Variants in CDC34 observed in about 807,000 individuals in gnomAD.
The protein encoded by CDC34 is cell division cycle 34, ubiquitin conjugating enzyme.
Under a neutral mutation model 26.8 loss-of-function variants are expected in CDC34, and 18 were observed. That is an observed-to-expected ratio of 0.67 (90% confidence interval 0.47 to 1.00). The LOEUF (loss-of-function observed/expected upper bound fraction) is 1.00. CDC34 is among the 50% of genes least tolerant of loss of function. The probability of loss-of-function intolerance (pLI) is 0.00; values close to 1 mark genes in which losing one functional copy is unlikely to be tolerated. For synonymous variants in CDC34, 178 were observed against 147.5 expected, an observed-to-expected ratio of 1.21 and a Z score of -1.50; for missense variants, 280 against 334.5, an observed-to-expected ratio of 0.84 and a Z score of 1.27.
chr19:536,251 C>A lies in CDC34; in HGVS notation c.273C>A (p.Asp91Glu). 1 of 1,604,942 alleles carries A rather than the reference C, an allele frequency of 6.2e-7. No individual in the cohort carries two copies. The highest frequency in any genetic ancestry group is 8.5e-7 in the Non-Finnish European group (1 of 1,176,390). ...GTCTTCTTCTTGTGCAGACGGGGGA[C>A]GTGTGTATCTCCATCCTCCACCCGC... is the stretch of plus-strand genomic sequence containing the variant. ...MWHPNIYETGDVCISILHPPV... is the reference protein window; with the variant it reads ...MWHPNIYETGEVCISILHPPV... Residue 91 changes from aspartate to glutamate, a missense_variant, in exon 3 of 5, where the codon GAC (aspartate) becomes GAA (glutamate). Coordinates refer to ENST00000215574, the MANE Select transcript of CDC34 (RefSeq NM_004359.2).
At chr19:535,961 C>G (rs759263288) in intron 2 of CDC34, 38 bp downstream of exon 2, 24 of 1,577,882 alleles carry the variant, frequency 1.5e-5, no homozygotes, top group Non-Finnish European at 2.1e-5. Flanking sequence ...TCCTCATCCT[C>G]CGGGACCCAG....
In CDC34 at chr19:531,916, C is replaced by G; in HGVS notation, c.-16C>G. The G allele has an allele frequency of 2.8e-6, 4 of 1,403,516 alleles. No homozygotes were observed. The highest frequency in any genetic ancestry group is 3.7e-6 in the Non-Finnish European group (4 of 1,083,554). The allele number at this position is 1,403,516 out of a possible 1,614,324, so 86.9% of individuals were successfully genotyped here. A position where few individuals can be genotyped will look rare whatever the true frequency, so the allele number is the denominator to read the frequency against. On this transcript the variant is annotated 5_prime_UTR_variant, in exon 1 of 5. Coordinates refer to ENST00000215574, the MANE Select transcript of CDC34 (RefSeq NM_004359.2). Reference sequence around the variant, plus strand: ...GGCCCCGCGCTGCTCCGACCCCGGGCCCCTCCGCCGCCGCCATGGCTCGGC... The same window carrying G: ...GGCCCCGCGCTGCTCCGACCCCGGGGCCCTCCGCCGCCGCCATGGCTCGGC...
intron 4 of CDC34, chr19:541,095 C>T (rs16990625): frequency 0.31 from 146,262 of 470,688 alleles, 24,859 homozygotes; most frequent in African/African-American, 0.54. Flanking sequence ...GCGGGGCAGG[C>T]GGGTGTGACT....
chr19:533,455 C>T (rs890778497), intron 1 of CDC34, among the ~76,000 whole-genome samples: 7 of 152,218 alleles, frequency 4.6e-5, no homozygotes, highest in East Asian at 3.8e-4. Context: ...GAGAGTGGGA[C>T]GCCCGTGGGT....
At chr19:541,082 G>C in intron 4 of CDC34, 1 of 441,032 alleles carries the variant, frequency 2.3e-6, no homozygotes. Context: ...GTTGTGCTTC[G>C]GGGCGGGGCA....
intron 4 of CDC34, among the ~76,000 whole-genome samples, chr19:537,651 C>T (rs1382229644): frequency 1.5e-5 from 1 of 67,088 alleles, no homozygotes; most frequent in Non-Finnish European, 2.8e-5. Context: ...CGCGGCCGGC[C>T]TTTTTTTTTT....
intron 4 of CDC34, 83 bp downstream of exon 4, chr19:537,230 C>T (rs1403939489): frequency 6.0e-6 from 9 of 1,505,048 alleles, no homozygotes; most frequent in Non-Finnish European, 8.2e-6. Flanking sequence ...CCGCCCAGCC[C>T]CACCTTCCTG....
chr19:534,075 G>A (rs1170296956), intron 1 of CDC34, among the ~76,000 whole-genome samples: 1 of 152,184 alleles, frequency 6.6e-6, no homozygotes, highest in Non-Finnish European at 1.5e-5. Context: ...ATTCTTAGAG[G>A]TGCCCAAAAT....
intron 3 of CDC34, 135 bp from the exon 4 acceptor site, chr19:536,878 G>A (rs1108114): frequency 0.44 from 413,668 of 942,298 alleles, 95,925 homozygotes; most frequent in East Asian, 0.59. Flanking sequence ...GCCTGAGACA[G>A]AAGCAGAGGC....
At chr19:537,984 C>T (rs1032069568) in intron 4 of CDC34, among the ~76,000 whole-genome samples, 3 of 152,196 alleles carry the variant, frequency 2.0e-5, no homozygotes, top group Non-Finnish European at 2.9e-5. Flanking sequence ...ATAGATTCTT[C>T]CAGGCTTTTC....
At chr19:536,617 G>A in intron 3 of CDC34, 2 of 557,258 alleles carry the variant, frequency 3.6e-6, no homozygotes, top group Non-Finnish European at 6.4e-6. Flanking sequence ...GCCATCCTCA[G>A]TCCTGGGGCC....
In CDC34 at chr19:532,039, C is replaced by A. The variant is rs1357441226; in HGVS notation, c.108C>A (p.Gly36=). 6.6e-7 allele frequency: 1 copy of A among 1,519,578 alleles called. No individual in the cohort carries two copies. Among genetic ancestry groups the A allele is most frequent in the Non-Finnish European group, 8.8e-7 (1 of 1,142,566 alleles). The allele number at this position is 1,519,578 out of a possible 1,614,324, so 94.1% of individuals were successfully genotyped here. A position where few individuals can be genotyped will look rare whatever the true frequency, so the allele number is the denominator to read the frequency against. The change falls in exon 1 of 5, where the codon GGC becomes GGA. Residue 36 remains glycine, a synonymous_variant. Transcript: ENST00000215574. ...EGFRVTLVDE[G]DLYNWEVAIF... ...TCCGCGTGACACTGGTGGACGAGGG[C>A]GATCTATACAACTGGGAGGTGGCCA...
intron 1 of CDC34, among the ~76,000 whole-genome samples, chr19:533,155 G>A (rs1029373827): frequency 1.2e-4 from 18 of 152,234 alleles, no homozygotes; most frequent in African/African-American, 4.3e-4. Flanking sequence ...CAGGGACCTC[G>A]TTCTTGGGGC....
chr19:539,086 C>T (rs1225682550), intron 4 of CDC34: 7 of 884,180 alleles, frequency 7.9e-6, no homozygotes, highest in East Asian at 1.2e-4. Context: ...CTGTGGTCGC[C>T]GTTTCTGCCT....
At chr19:537,204 G>A in intron 4 of CDC34, 57 bp downstream of exon 4, 3 of 1,592,664 alleles carry the variant, frequency 1.9e-6, no homozygotes, top group Non-Finnish European at 2.6e-6. Flanking sequence ...CTGCACCCCG[G>A]CCCCTGGTCC....
At chr19:536,181 C>A in intron 2 of CDC34, 62 bp from the exon 3 acceptor site, 1 of 1,340,806 alleles carries the variant, frequency 7.5e-7, no homozygotes, top group Non-Finnish European at 1.0e-6. Flanking sequence ...CCTCCGGGAC[C>A]TGGGGCACTG....
chr19:537,032 A>G lies in CDC34; in HGVS notation c.382A>G (p.Ile128Val). The G allele has an allele frequency of 6.2e-7, 1 of 1,613,710 alleles. No homozygotes were observed. The highest frequency in any genetic ancestry group is 8.5e-7 in the Non-Finnish European group (1 of 1,179,978). Residue 128 changes from isoleucine to valine, a missense_variant, in exon 4 of 5, where the codon ATC becomes GTC. Coordinates refer to ENST00000215574, the MANE Select transcript of CDC34 (RefSeq NM_004359.2). ...QNVRTILLSVISLLNEPNTFS... is the reference protein window; with the variant it reads ...QNVRTILLSVVSLLNEPNTFS... Reference sequence around the variant, plus strand: ...CCACAGGACCATTCTCCTGAGTGTGATCTCCCTCCTGAACGAGCCCAACAC... The same window carrying G: ...CCACAGGACCATTCTCCTGAGTGTGGTCTCCCTCCTGAACGAGCCCAACAC...
In CDC34 at chr19:541,767, G is replaced by C. The variant is rs1336824849; in HGVS notation, c.*215G>C. ...CCACTCACGTCACTCGGGGCTCGGTGGACGGGCCCAGGGTGGGAGCGGCCG... is the reference window on the plus strand; with the variant it reads ...CCACTCACGTCACTCGGGGCTCGGTCGACGGGCCCAGGGTGGGAGCGGCCG... On this transcript the variant is annotated 3_prime_UTR_variant, in exon 5 of 5. Coordinates refer to ENST00000215574, the MANE Select transcript of CDC34 (RefSeq NM_004359.2). The C allele has an allele frequency of 2.2e-6, 1 of 452,258 alleles. No homozygotes were observed. The highest frequency in any genetic ancestry group is 3.8e-6 in the Non-Finnish European group (1 of 264,562). The allele number at this position is 452,258 out of a possible 1,614,324, so 28.0% of individuals were successfully genotyped here.
Position 531,840 on chromosome 19 carries a change from C to T in CDC34, c.-92C>T, listed in dbSNP as rs1420175903. On this transcript the variant is annotated 5_prime_UTR_variant, in exon 1 of 5. Coordinates refer to ENST00000215574, the MANE Select transcript of CDC34 (RefSeq NM_004359.2). Reference sequence around the variant, plus strand: ...GCAGGCGGCGGCCCCGGTGGCTCCCCCCCGGACGGTGCGCGGCCCGGCCCG... The same window carrying T: ...GCAGGCGGCGGCCCCGGTGGCTCCCTCCCGGACGGTGCGCGGCCCGGCCCG... The T allele has an allele frequency of 1.0e-5, 8 of 790,792 alleles. No homozygotes were observed. The East Asian group carries it at 2.7e-4, about 27-fold the overall frequency. The allele number at this position is 790,792 out of a possible 1,614,324, so 49.0% of individuals were successfully genotyped here. A position where few individuals can be genotyped will look rare whatever the true frequency, so the allele number is the denominator to read the frequency against.
Sources: allele counts gnomAD v4.1 joint callset (sites outside exome capture counted in the v4.1 genomes callset), GRCh38; gene constraint gnomAD v4.1.1; transcripts MANE v1.5; gene names NCBI Gene and HGNC (gene_info 2026-07-23, HGNC 2026-07-21).